The following WWOX variants were observed in gnomAD, a reference collection of about 807,000 sequenced individuals.
The protein encoded by WWOX is WW domain-containing oxidoreductase.
WWOX carries 69 observed loss-of-function variants against 46.2 expected under a neutral mutation model. The observed-to-expected ratio is 1.49, with a 90% CI of 1.23 to 1.82. WWOX has a LOEUF of 1.82. Ranked by LOEUF, WWOX falls within the 40% of genes most tolerant of loss-of-function variation. The pLI is 0.00. For synonymous variants in WWOX, 359 were observed against 202.6 expected, an observed-to-expected ratio of 1.77 and a Z score of -6.56; for missense variants, 919 against 542.6, an observed-to-expected ratio of 1.69 and a Z score of -6.89.
chr16:78,354,865 G>A (rs1327697985), intron 5 of WWOX, among the ~76,000 whole-genome samples: 1 of 152,128 alleles, frequency 6.6e-6, no homozygotes, highest in Admixed American at 6.5e-5. Flanking sequence ...CAGGGGTGGT[G>A]GTGCATGCCT....
chr16:78,332,697 C>A (rs919203938), intron 5 of WWOX, among the ~76,000 whole-genome samples: 2 of 152,040 alleles, frequency 1.3e-5, no homozygotes, highest in Non-Finnish European at 2.9e-5. Context: ...AAATTAGTGC[C>A]TTTACTGTAG....
chr16:78,558,885 C>A (rs1434706320), intron 8 of WWOX, among the ~76,000 whole-genome samples: 2 of 152,180 alleles, frequency 1.3e-5, no homozygotes, highest in East Asian at 3.9e-4. Context: ...GAGTTGGGTA[C>A]CTTGCATCCT....
At chr16:78,181,167 G>A (rs566357591) in intron 5 of WWOX, among the ~76,000 whole-genome samples, 1 of 152,206 alleles carries the variant, frequency 6.6e-6, no homozygotes, top group Non-Finnish European at 1.5e-5. Flanking sequence ...AAGGGGAGGT[G>A]GAGACACGGA....
intron 5 of WWOX, among the ~76,000 whole-genome samples, chr16:78,218,956 A>G: frequency 6.6e-6 from 1 of 152,216 alleles, no homozygotes; most frequent in Non-Finnish European, 1.5e-5. Flanking sequence ...CAATTTGAAA[A>G]CTTATCACTT....
intron 8 of WWOX, among the ~76,000 whole-genome samples, chr16:78,655,206 C>G (rs909685696): frequency 2.6e-5 from 4 of 152,086 alleles, no homozygotes; most frequent in African/African-American, 9.7e-5. Context: ...AGGTCTCACT[C>G]CCTTCATAGT....
chr16:78,717,836 C>A (rs991032721), intron 8 of WWOX, among the ~76,000 whole-genome samples: 11 of 152,102 alleles, frequency 7.2e-5, no homozygotes, highest in Non-Finnish European at 2.9e-5. Context: ...ATTTATATTT[C>A]CCTCTCTGTC....
intron 5 of WWOX, among the ~76,000 whole-genome samples, chr16:78,175,027 AAT>A: frequency 7.7e-6 from 1 of 129,302 alleles, no homozygotes; most frequent in South Asian, 2.2e-4. Flanking sequence ...TAATAATAAT[AAT>A]AAGAATCTGA....
intron 6 of WWOX, among the ~76,000 whole-genome samples, chr16:78,424,604 C>T (rs1186990733): frequency 1.3e-5 from 2 of 152,328 alleles, no homozygotes; most frequent in Middle Eastern, 6.8e-3. Flanking sequence ...CTGGTTTTCA[C>T]ACTGAAAGTT....
intron 8 of WWOX, among the ~76,000 whole-genome samples, chr16:78,586,415 G>C (rs919687249): frequency 6.6e-6 from 1 of 152,104 alleles, no homozygotes; most frequent in East Asian, 1.9e-4. Context: ...GGTAAGGCCA[G>C]ATTTCTTCTC....
intron 8 of WWOX, among the ~76,000 whole-genome samples, chr16:78,918,639 A>G (rs980788899): frequency 5.9e-5 from 9 of 152,190 alleles, no homozygotes; most frequent in Non-Finnish European, 1.0e-4. Context: ...ATTACTAATG[A>G]TAATAACAGT....
intron 6 of WWOX, among the ~76,000 whole-genome samples, chr16:78,413,308 G>A (rs1386211608): frequency 3.3e-5 from 5 of 152,160 alleles, no homozygotes; most frequent in African/African-American, 1.2e-4. Flanking sequence ...ACCAAACAGG[G>A]TTTGTGTGAA....
intron 8 of WWOX, among the ~76,000 whole-genome samples, chr16:78,603,197 C>A (rs550896279): frequency 3.9e-5 from 6 of 152,292 alleles, no homozygotes; most frequent in African/African-American, 1.4e-4. Flanking sequence ...TCTGCCACAC[C>A]TGGAGAAGTG....
chr16:78,205,382 A>G (rs894290759), intron 5 of WWOX, among the ~76,000 whole-genome samples: 2 of 148,416 alleles, frequency 1.3e-5, no homozygotes, highest in Admixed American at 6.7e-5. Context: ...ACATCCTTTC[A>G]TTCTTCTATC....
chr16:78,391,982 T>C (rs1390935904), intron 6 of WWOX, among the ~76,000 whole-genome samples: 2 of 150,284 alleles, frequency 1.3e-5, no homozygotes, highest in Non-Finnish European at 2.9e-5. Flanking sequence ...TTTTAATCTA[T>C]AGGTTTTGTC....
intron 8 of WWOX, among the ~76,000 whole-genome samples, chr16:78,973,127 G>T (rs556961259): frequency 6.6e-6 from 1 of 152,100 alleles, no homozygotes; most frequent in Non-Finnish European, 1.5e-5. Context: ...TTCCCTTCCC[G>T]TATAAGGTGG....
At chr16:78,302,768 C>T (rs2080063481) in intron 5 of WWOX, among the ~76,000 whole-genome samples, 1 of 152,192 alleles carries the variant, frequency 6.6e-6, no homozygotes, top group Non-Finnish European at 1.5e-5. Flanking sequence ...TTTAAGTTTG[C>T]TACCTGTTAC....
intron 8 of WWOX, among the ~76,000 whole-genome samples, chr16:79,154,659 G>C (rs1401663815): frequency 6.6e-6 from 1 of 152,170 alleles, no homozygotes; most frequent in Non-Finnish European, 1.5e-5. Flanking sequence ...TATGCTGATG[G>C]ATGTACACTG....
chr16:79,189,280 C>T (rs1445193704), intron 8 of WWOX, among the ~76,000 whole-genome samples: 4 of 151,484 alleles, frequency 2.6e-5, no homozygotes, highest in Admixed American at 1.3e-4. Flanking sequence ...TTTTCTGAGA[C>T]AGGATCTCAC....
intron 8 of WWOX, among the ~76,000 whole-genome samples, chr16:78,700,643 C>G (rs1174539452): frequency 6.6e-6 from 1 of 152,286 alleles, no homozygotes; most frequent in East Asian, 1.9e-4. Flanking sequence ...CCTCACTGTG[C>G]CATCATATTA....
Sources: gnomAD v4.1 joint callset for allele counts (sites outside exome capture counted in the v4.1 genomes callset) on GRCh38, gnomAD v4.1.1 for gene constraint, MANE v1.5 for transcripts, NCBI Gene and HGNC (gene_info 2026-07-23, HGNC 2026-07-21) for gene names.